NPAS3: variants seen among roughly 807,000 people sequenced by gnomAD.
The protein encoded by NPAS3 is neuronal PAS domain protein 3.
Under a neutral mutation model 73.1 loss-of-function variants are expected in NPAS3, and 14 were observed. That is an observed-to-expected ratio of 0.19 (90% CI 0.13 to 0.30). NPAS3 has a LOEUF of 0.30. NPAS3 is among the 10% of genes least tolerant of loss of function. NPAS3 has a pLI of 1.00. For missense variants in NPAS3, 1,096 were observed against 1,250.0 expected (o/e 0.88, Z 1.86); for synonymous variants, 620 against 541.5 (o/e 1.14, Z -2.01).
chr14:33,599,369 G>A (rs140421413), intron 5 of NPAS3, among the ~76,000 whole-genome samples: 36 of 152,190 alleles, frequency 2.4e-4, no homozygotes, highest in Non-Finnish European at 2.4e-4. Context: ...ATGGGAAGTC[G>A]TATTTTATGC....
At chr14:33,515,670 T>C (rs935113593) in intron 4 of NPAS3, among the ~76,000 whole-genome samples, 1 of 152,082 alleles carries the variant, frequency 6.6e-6, no homozygotes, top group Admixed American at 6.6e-5. Flanking sequence ...TAGACAATTC[T>C]TCCAACTCAC....
chr14:33,186,784 A>T (rs1052574755), intron 2 of NPAS3, among the ~76,000 whole-genome samples: 2 of 151,710 alleles, frequency 1.3e-5, no homozygotes, highest in African/African-American at 4.8e-5. Flanking sequence ...CTGTTCTGCA[A>T]CTCCCCTGAG....
chr14:33,557,455 T>A (rs780499918), intron 4 of NPAS3, among the ~76,000 whole-genome samples: 1 of 152,232 alleles, frequency 6.6e-6, no homozygotes, highest in Non-Finnish European at 1.5e-5. Context: ...ATGTTTAAGA[T>A]GTACAGGCTG....
intron 2 of NPAS3, among the ~76,000 whole-genome samples, chr14:33,121,560 A>G (rs539661990): frequency 1.3e-5 from 2 of 152,312 alleles, no homozygotes; most frequent in South Asian, 4.1e-4. Flanking sequence ...TGAGTGCCAG[A>G]TTGTTTAAAA....
intron 4 of NPAS3, among the ~76,000 whole-genome samples, chr14:33,555,107 A>C (rs566900004): frequency 6.6e-6 from 1 of 152,294 alleles, no homozygotes; most frequent in African/African-American, 2.4e-5. Flanking sequence ...GTGACAAAGG[A>C]AATCTCCGAT....
chr14:33,238,594 G>A (rs1184542148), intron 3 of NPAS3, among the ~76,000 whole-genome samples: 1 of 151,958 alleles, frequency 6.6e-6, no homozygotes, highest in Non-Finnish European at 1.5e-5. Context: ...TGTTGTTTTA[G>A]AAGTCTTAAG....
At chr14:32,986,568 T>C (rs1375834286) in intron 1 of NPAS3, among the ~76,000 whole-genome samples, 2 of 152,200 alleles carry the variant, frequency 1.3e-5, no homozygotes, top group Non-Finnish European at 2.9e-5. Flanking sequence ...TTTTAAAATG[T>C]GACCTAAATC....
chr14:33,352,042 T>C (rs1348726516), intron 3 of NPAS3, among the ~76,000 whole-genome samples: 1 of 146,208 alleles, frequency 6.8e-6, no homozygotes, highest in Non-Finnish European at 1.5e-5. Context: ...ACTTAACGTG[T>C]TAAAAAAAAA....
intron 1 of NPAS3, among the ~76,000 whole-genome samples, chr14:33,032,201 T>A (rs937106973): frequency 2.0e-5 from 3 of 152,188 alleles, no homozygotes; most frequent in Admixed American, 1.3e-4. Context: ...GGCTGAAGAT[T>A]GCCAGACTGA....
intron 5 of NPAS3, among the ~76,000 whole-genome samples, chr14:33,572,101 C>T (rs1009445245): frequency 6.6e-6 from 1 of 152,022 alleles, no homozygotes; most frequent in Non-Finnish European, 1.5e-5. Flanking sequence ...TTTCCCAAAC[C>T]TTTCATAGGG....
intron 1 of NPAS3, among the ~76,000 whole-genome samples, chr14:32,957,696 A>G (rs1200781512): frequency 6.6e-6 from 1 of 152,120 alleles, no homozygotes; most frequent in Non-Finnish European, 1.5e-5. Flanking sequence ...CTATTCCAGC[A>G]TTCTATTTTG....
chr14:33,524,092 A>G (rs1196834257), intron 4 of NPAS3, among the ~76,000 whole-genome samples: 2 of 152,104 alleles, frequency 1.3e-5, no homozygotes, highest in African/African-American at 2.4e-5. Context: ...ATCTTTTCAT[A>G]TTTTGCTCCT....
At chr14:33,776,521 TAAAAA>T (rs552348267) in intron 8 of NPAS3, among the ~76,000 whole-genome samples, 39 of 32,024 alleles carry the variant, frequency 1.2e-3, no homozygotes, top group African/African-American at 3.5e-3. Flanking sequence ...TTCTTCCTCT[TAAAAA>T]AAAAAAAAAA....
intron 4 of NPAS3, among the ~76,000 whole-genome samples, chr14:33,473,258 T>C (rs748601484): frequency 6.6e-6 from 1 of 152,050 alleles, no homozygotes; most frequent in Non-Finnish European, 1.5e-5. Flanking sequence ...TTAAAACATA[T>C]AAATGCAAGG....
chr14:33,154,208 G>C (rs1454455697), intron 2 of NPAS3, among the ~76,000 whole-genome samples: 1 of 152,168 alleles, frequency 6.6e-6, no homozygotes, highest in Non-Finnish European at 1.5e-5. Context: ...GCAAAATCAA[G>C]TCCCCAATTC....
At chr14:32,959,225 G>A (rs1289368261) in intron 1 of NPAS3, among the ~76,000 whole-genome samples, 5 of 152,012 alleles carry the variant, frequency 3.3e-5, no homozygotes, top group East Asian at 1.9e-4. Flanking sequence ...TTTCTGCCTC[G>A]GTGTTCTTGC....
intron 5 of NPAS3, among the ~76,000 whole-genome samples, chr14:33,635,989 G>A (rs1378122874): frequency 6.6e-6 from 1 of 152,126 alleles, no homozygotes; most frequent in African/African-American, 2.4e-5. Context: ...TTGTTGCCCA[G>A]GCTGGAGTGC....
At chr14:33,013,164 G>T (rs2039272694) in intron 1 of NPAS3, among the ~76,000 whole-genome samples, 1 of 152,156 alleles carries the variant, frequency 6.6e-6, no homozygotes, top group Admixed American at 6.5e-5. Flanking sequence ...AAGAATACAT[G>T]CAGATCAGAG....
intron 2 of NPAS3, among the ~76,000 whole-genome samples, chr14:33,085,952 A>T (rs1262071635): frequency 2.0e-5 from 3 of 152,178 alleles, no homozygotes; most frequent in Non-Finnish European, 2.9e-5. Flanking sequence ...GTGCACTCAT[A>T]AAAAAGATTT....
Sources: allele counts gnomAD v4.1 joint callset (sites outside exome capture counted in the v4.1 genomes callset), GRCh38; gene constraint gnomAD v4.1.1; transcripts MANE v1.5; gene names NCBI Gene and HGNC (gene_info 2026-07-23, HGNC 2026-07-21).